The following GPR137C variants were observed in gnomAD, a reference collection of about 807,000 sequenced individuals.
GPR137C encodes G protein-coupled receptor 137C.
In GPR137C, 27 loss-of-function variants were observed where a neutral mutation model predicts 43.4. That is an observed-to-expected ratio of 0.62 (90% CI 0.46 to 0.86). The LOEUF is 0.86. Ranked by LOEUF, GPR137C falls within the 40% of genes least tolerant of loss-of-function variation. The pLI is 0.00. For missense variants in GPR137C, 522 were observed against 534.6 expected (o/e 0.98, Z 0.23); for synonymous variants, 285 against 226.9 (o/e 1.26, Z -2.30).
intron 1 of GPR137C, among the ~76,000 whole-genome samples, chr14:52,577,005 T>G (rs1046229003): frequency 3.3e-5 from 5 of 151,422 alleles, no homozygotes; most frequent in Admixed American, 1.3e-4. Flanking sequence ...GCCTGGCCAG[T>G]ATGGGGAAAC....
At chr14:52,595,243 C>G (rs1397524479) in intron 1 of GPR137C, among the ~76,000 whole-genome samples, 1 of 152,086 alleles carries the variant, frequency 6.6e-6, no homozygotes, top group Non-Finnish European at 1.5e-5. Flanking sequence ...CTCTGGCTGC[C>G]CTTAACATTT....
At chr14:52,623,001 C>T (rs979555913) in intron 3 of GPR137C, among the ~76,000 whole-genome samples, 12 of 152,016 alleles carry the variant, frequency 7.9e-5, no homozygotes, top group African/African-American at 2.7e-4. Context: ...TGGTCTAGCA[C>T]AGATAATGAA....
chr14:52,588,612 T>G (rs1281348296), intron 1 of GPR137C, among the ~76,000 whole-genome samples: 1 of 152,232 alleles, frequency 6.6e-6, no homozygotes. Context: ...GGTCTCTATA[T>G]TCTTCAAAAT....
chr14:52,593,314 A>G (rs1348930022), intron 1 of GPR137C, among the ~76,000 whole-genome samples: 1 of 152,146 alleles, frequency 6.6e-6, no homozygotes, highest in East Asian at 1.9e-4. Context: ...TGTCTCTGCC[A>G]GGCCTTTGTG....
chr14:52,591,409 G>A (rs2038782956), intron 1 of GPR137C, among the ~76,000 whole-genome samples: 1 of 152,312 alleles, frequency 6.6e-6, no homozygotes, highest in African/African-American at 2.4e-5. Flanking sequence ...TCGCCACACT[G>A]TCTTCCACAA....
intron 1 of GPR137C, among the ~76,000 whole-genome samples, chr14:52,572,502 A>G (rs2038486859): frequency 6.6e-6 from 1 of 152,126 alleles, no homozygotes; most frequent in South Asian, 2.1e-4. Context: ...AAAACCACAT[A>G]ATTATCTCAA....
intron 3 of GPR137C, among the ~76,000 whole-genome samples, chr14:52,617,631 A>G (rs1019087238): frequency 2.0e-5 from 3 of 152,178 alleles, no homozygotes; most frequent in Non-Finnish European, 4.4e-5. Context: ...GTGAGCCGAG[A>G]TTGTACCACC....
At chr14:52,584,471 G>A (rs1468305878) in intron 1 of GPR137C, among the ~76,000 whole-genome samples, 1 of 152,156 alleles carries the variant, frequency 6.6e-6, no homozygotes, top group East Asian at 1.9e-4. Flanking sequence ...AGTATTCTTC[G>A]TGTAAGGTTA....
At chr14:52,588,394 C>G (rs894369349) in intron 1 of GPR137C, among the ~76,000 whole-genome samples, 4 of 152,186 alleles carry the variant, frequency 2.6e-5, no homozygotes, top group Admixed American at 6.5e-5. Context: ...ATCCACCTGC[C>G]TCAGCCTCCC....
intron 1 of GPR137C, among the ~76,000 whole-genome samples, chr14:52,558,524 C>T (rs1408683719): frequency 6.6e-6 from 1 of 152,212 alleles, no homozygotes; most frequent in African/African-American, 2.4e-5. Flanking sequence ...TAAAGTTATC[C>T]TTGCTTGATA....
At chr14:52,580,319 A>T (rs2038623687) in intron 1 of GPR137C, among the ~76,000 whole-genome samples, 1 of 152,198 alleles carries the variant, frequency 6.6e-6, no homozygotes, top group Admixed American at 6.6e-5. Context: ...ATTTTTAAGC[A>T]GCTTAGAAGA....
chr14:52,628,670 C>T (rs1057062840), intron 3 of GPR137C, among the ~76,000 whole-genome samples: 1 of 152,142 alleles, frequency 6.6e-6, no homozygotes, highest in Non-Finnish European at 1.5e-5. Flanking sequence ...GTGGCAGGCA[C>T]CTGTAATCCC....
chr14:52,562,336 A>C lies in GPR137C; in HGVS notation c.444+8745A>C, dbSNP rs1298098252. Among the ~76,000 whole-genome samples, 5 of 152,332 alleles carry C rather than the reference A, an allele frequency of 3.3e-5. No individual in the cohort carries two copies. The East Asian group carries it at 9.6e-4, about 29-fold the overall frequency. On this transcript the variant is annotated intron_variant, in intron 1 of 6. Coordinates refer to ENST00000321662, the MANE Select transcript of GPR137C (RefSeq NM_001099652.2). ...CTCATAGAATTACTGTGAAAATTATATACTTCATATAAAATGTTTGGGACA... is the reference window on the plus strand; with the variant it reads ...CTCATAGAATTACTGTGAAAATTATCTACTTCATATAAAATGTTTGGGACA...
At chr14:52,633,049 C>T (rs186534979) in intron 4 of GPR137C, among the ~76,000 whole-genome samples, 1 of 152,192 alleles carries the variant, frequency 6.6e-6, no homozygotes, top group Admixed American at 6.6e-5. Flanking sequence ...TTCCATTTCC[C>T]TCTTCCAACA....
chr14:52,577,071 A>G (rs1384133569), intron 1 of GPR137C, among the ~76,000 whole-genome samples: 2 of 128,604 alleles, frequency 1.6e-5, no homozygotes, highest in African/African-American at 5.7e-5. Context: ...AGTCCCAGCT[A>G]CTCTACTCAG....
intron 3 of GPR137C, among the ~76,000 whole-genome samples, chr14:52,618,532 A>C (rs1240678470): frequency 6.6e-6 from 1 of 152,026 alleles, no homozygotes; most frequent in Non-Finnish European, 1.5e-5. Context: ...TTTCTCTCTC[A>C]TTAAGTTTTT....
At chr14:52,603,821 G>C (rs1451401381) in intron 3 of GPR137C, among the ~76,000 whole-genome samples, 1 of 152,126 alleles carries the variant, frequency 6.6e-6, no homozygotes, top group African/African-American at 2.4e-5. Flanking sequence ...TTACAGATGG[G>C]AGCCACTGTG....
At chr14:52,632,927 TTTA>T (rs1379765898) in intron 4 of GPR137C, among the ~76,000 whole-genome samples, 3 of 152,122 alleles carry the variant, frequency 2.0e-5, no homozygotes. Context: ...TTTATAGTAA[TTTA>T]GCTTTGTACT....
chr14:52,560,412 G>T (rs1490075800), intron 1 of GPR137C, among the ~76,000 whole-genome samples: 1 of 152,144 alleles, frequency 6.6e-6, no homozygotes, highest in Admixed American at 6.5e-5. Context: ...TGCCAAGATG[G>T]TTTTAAAATA....
Sources: gnomAD v4.1 joint callset for allele counts (sites outside exome capture counted in the v4.1 genomes callset) on GRCh38, gnomAD v4.1.1 for gene constraint, MANE v1.5 for transcripts, NCBI Gene and HGNC (gene_info 2026-07-23, HGNC 2026-07-21) for gene names.